The following KCNC2 variants were observed in gnomAD, a reference collection of about 807,000 sequenced individuals.
The protein encoded by KCNC2 is potassium voltage-gated channel subfamily C member 2.
KCNC2 carries 21 observed loss-of-function variants against 44.5 expected under a neutral mutation model. The ratio of observed to expected loss-of-function variants is 0.47; its 90% CI spans 0.33 to 0.68. The LOEUF (loss-of-function observed/expected upper bound fraction) is 0.68, where lower values mean the gene tolerates loss of function less well. KCNC2 is among the 30% of genes least tolerant of loss of function. KCNC2 has a pLI of 0.01. For synonymous variants in KCNC2, 391 were observed against 339.1 expected (o/e 1.15, Z -1.68); for missense variants, 589 against 826.2 (o/e 0.71, Z 3.52).
In KCNC2 at chr12:75,207,650, C is replaced by A. The variant is rs199840070; in HGVS notation, c.334G>T (p.Ala112Ser). ...GTGCGGTAGTAATTGAGCACATAGG[C>A]GAAGACGCCCGGGTGCCGGTCGAAG... ...FFFDRHPGVF[A>S]YVLNYYRTGK... The change falls in exon 2 of 5, where the codon GCC (alanine) becomes TCC (serine). Residue 112 changes from alanine (A) to serine (S), a missense_variant. Ala to Ser is a moderately conservative substitution (Grantham distance 99). This residue lies in a region of KCNC2 where 40 missense variants were observed against 102.0 expected (regional missense o/e 0.39). Coordinates refer to ENST00000549446, the MANE Select transcript of KCNC2 (RefSeq NM_139137.4). This position sits in a 1 kb window ranked among gnomAD's most constrained non-coding sequence, Gnocchi z 4.1. 203 of 1,611,496 alleles carry A rather than the reference C, an allele frequency of 1.3e-4. No individual in the cohort carries two copies. Among genetic ancestry groups the A allele is most frequent in the Non-Finnish European group, 2.2e-5 (26 of 1,179,702 alleles).
At position 75,042,287 on chromosome 12, in the gene KCNC2, T is replaced by A; in HGVS notation, c.*818A>T. On this transcript the variant is annotated 3_prime_UTR_variant, in exon 5 of 5. Coordinates refer to ENST00000549446, the MANE Select transcript of KCNC2 (RefSeq NM_139137.4). ...AGCCTGGCTGGCAGTTACCTTTCTC[T>A]CATGTTTTGTGCCTTCCCCAAGTCA... 6.2e-7 allele frequency: 1 copy of A among 1,610,452 alleles called. No individual in the cohort carries two copies.
At chr12:75,115,589 T>C (rs2137260427) in intron 2 of KCNC2, among the ~76,000 whole-genome samples, 1 of 152,318 alleles carries the variant, frequency 6.6e-6, no homozygotes, top group East Asian at 1.9e-4. Context: ...ATTCTGTTCA[T>C]CTTCTCCTCT....
At chr12:75,129,201 A>G (rs547340018) in intron 2 of KCNC2, among the ~76,000 whole-genome samples, 6 of 152,170 alleles carry the variant, frequency 3.9e-5, no homozygotes, top group Non-Finnish European at 7.3e-5. Context: ...CAGCGCAAAC[A>G]AACTAACCAC....
At chr12:75,098,231 T>C (rs1413127714) in intron 2 of KCNC2, among the ~76,000 whole-genome samples, 5 of 152,192 alleles carry the variant, frequency 3.3e-5, no homozygotes, top group African/African-American at 1.2e-4. Context: ...AAGTTTGCTT[T>C]TGCTTTTCCT....
chr12:75,182,340 C>T (rs1349013609), intron 2 of KCNC2, among the ~76,000 whole-genome samples: 3 of 74,720 alleles, frequency 4.0e-5, no homozygotes, highest in Middle Eastern at 0.011. Flanking sequence ...CTGGTTAACA[C>T]GGTGAAACCC....
intron 2 of KCNC2, among the ~76,000 whole-genome samples, chr12:75,065,000 A>G (rs1434431703): frequency 2.0e-5 from 3 of 152,038 alleles, no homozygotes; most frequent in African/African-American, 4.8e-5. Flanking sequence ...CAAAACTTCT[A>G]TAAAAGTTAT....
Position 75,207,199 on chromosome 12 carries a change from C to A in KCNC2, c.687+98G>T. 3 of 1,467,752 alleles carry A rather than the reference C, an allele frequency of 2.0e-6. No homozygotes were observed. Among genetic ancestry groups the A allele is most frequent in the Middle Eastern group, 2.3e-4 (1 of 4,420 alleles). 90.9% of individuals were successfully genotyped at this position (1,467,752 alleles called of 1,614,324 possible). A position where few individuals can be genotyped will look rare whatever the true frequency, so the allele number is the denominator to read the frequency against. On this transcript the variant is annotated intron_variant, in intron 2 of 4. Coordinates refer to ENST00000549446, the MANE Select transcript of KCNC2 (RefSeq NM_139137.4). This position sits in a 1 kb window ranked among gnomAD's most constrained non-coding sequence, Gnocchi z 4.1. ...CTAGGAAATCCCGGGTCTCTTCTAC[C>A]CCCCATGCCTGAGGCCCTGGGGTGG... is the stretch of plus-strand genomic sequence containing the variant.
intron 2 of KCNC2, among the ~76,000 whole-genome samples, chr12:75,078,524 T>G (rs1314066823): frequency 2.6e-5 from 4 of 152,150 alleles, no homozygotes; most frequent in Non-Finnish European, 5.9e-5. Context: ...TAGTCAACAT[T>G]TATAGGGAGG....
At chr12:75,082,724 C>A (rs960038655) in intron 2 of KCNC2, among the ~76,000 whole-genome samples, 1 of 151,088 alleles carries the variant, frequency 6.6e-6, no homozygotes, top group Non-Finnish European at 1.5e-5. Context: ...ATTATTTTCT[C>A]GAAAAATATT....
chr12:75,133,366 A>G (rs1049153221), intron 2 of KCNC2, among the ~76,000 whole-genome samples: 3 of 151,980 alleles, frequency 2.0e-5, no homozygotes, highest in Non-Finnish European at 4.4e-5. Flanking sequence ...TATGCTTGTA[A>G]CAATGTATCA....
chr12:75,098,894 G>A (rs1372956187), intron 2 of KCNC2, among the ~76,000 whole-genome samples: 2 of 152,110 alleles, frequency 1.3e-5, no homozygotes, highest in African/African-American at 4.8e-5. Flanking sequence ...CCTACCACGA[G>A]AGACCTGCTG....
chr12:75,158,368 A>T (rs550168242), intron 2 of KCNC2, among the ~76,000 whole-genome samples: 5 of 151,928 alleles, frequency 3.3e-5, no homozygotes, highest in Admixed American at 3.3e-4. Flanking sequence ...CCATACATAT[A>T]TTTGGAAATC....
chr12:75,105,934 G>A (rs1260813079), intron 2 of KCNC2, among the ~76,000 whole-genome samples: 11 of 151,480 alleles, frequency 7.3e-5, no homozygotes, highest in African/African-American at 2.7e-4. Flanking sequence ...TTTAGACTTG[G>A]GGAGATCACT....
At chr12:75,063,699 T>C (rs991687344) in intron 2 of KCNC2, among the ~76,000 whole-genome samples, 1 of 152,072 alleles carries the variant, frequency 6.6e-6, no homozygotes, top group African/African-American at 2.4e-5. Flanking sequence ...TTAATGACAA[T>C]GTTGGTAGTA....
At chr12:75,184,299 G>C (rs1420269733) in intron 2 of KCNC2, among the ~76,000 whole-genome samples, 3 of 152,088 alleles carry the variant, frequency 2.0e-5, no homozygotes, top group Non-Finnish European at 2.9e-5. Context: ...GCTTTTACAG[G>C]CTCTGAATAT....
chr12:75,152,157 G>T (rs1890447174), intron 2 of KCNC2, among the ~76,000 whole-genome samples: 1 of 150,292 alleles, frequency 6.7e-6, no homozygotes, highest in South Asian at 2.1e-4. Context: ...ATACAGTAAG[G>T]CCAATGACAT....
chr12:75,139,585 C>G (rs1469931922), intron 2 of KCNC2, among the ~76,000 whole-genome samples: 2 of 152,226 alleles, frequency 1.3e-5, no homozygotes, highest in Non-Finnish European at 1.5e-5. Flanking sequence ...TACCCTGACT[C>G]AGCCTTTCTC....
At chr12:75,163,687 C>A (rs1164835450) in intron 2 of KCNC2, among the ~76,000 whole-genome samples, 1 of 151,708 alleles carries the variant, frequency 6.6e-6, no homozygotes, top group Non-Finnish European at 1.5e-5. Context: ...TAATTTCCAA[C>A]ACAATGTTGA....
chr12:75,177,235 C>A lies in KCNC2; in HGVS notation c.687+30062G>T, dbSNP rs1391009530. Among the ~76,000 whole-genome samples the A allele has an allele frequency of 2.0e-5, 3 of 151,716 alleles. No individual in the cohort carries two copies. In the East Asian group the frequency reaches 5.8e-4, roughly 29 times the overall value. On this transcript the variant is annotated intron_variant, in intron 2 of 4. Coordinates refer to ENST00000549446, the MANE Select transcript of KCNC2 (RefSeq NM_139137.4). ...TGAATTTAATAAAATCTGATCCATT[C>A]CCTCTACTTCTCAGCAAAAAGAACA...
Sources: allele counts gnomAD v4.1 joint callset (sites outside exome capture counted in the v4.1 genomes callset), GRCh38; gene constraint gnomAD v4.1.1; regional missense constraint gnomAD v4.1.1; non-coding constraint Gnocchi (gnomAD v3.1); transcripts MANE v1.5; gene names NCBI Gene and HGNC (gene_info 2026-07-23, HGNC 2026-07-21).